Variants in USP13 observed in about 807,000 individuals in gnomAD.
The protein encoded by USP13 is ubiquitin carboxyl-terminal hydrolase 13.
A neutral mutation model predicts 107.8 loss-of-function variants in USP13; 68 were observed. That is an observed-to-expected ratio of 0.63 (90% CI 0.52 to 0.77). The LOEUF (loss-of-function observed/expected upper bound fraction) is 0.77, where lower values mean the gene tolerates loss of function less well. USP13 is among the 30% of genes least tolerant of loss of function. USP13 has a pLI of 0.00. For missense variants in USP13, 945 were observed against 1,093.3 expected, an observed-to-expected ratio of 0.86 and a Z score of 1.91; for synonymous variants, 377 against 389.5, an observed-to-expected ratio of 0.97 and a Z score of 0.38.
At chr3:179,783,357 AC>A (rs1356176519) in intron 20 of USP13, among the ~76,000 whole-genome samples, 1 of 152,150 alleles carries the variant, frequency 6.6e-6, no homozygotes. Flanking sequence ...AAATAAACAC[AC>A]GTATTTACAA....
chr3:179,683,449 G>GA (rs1430991540), intron 2 of USP13, among the ~76,000 whole-genome samples: 1 of 152,202 alleles, frequency 6.6e-6, no homozygotes, highest in African/African-American at 2.4e-5. Context: ...ATTTACAAAA[G>GA]AAAGAGGTTT....
rs113098896 is a variant in USP13 at position 179,722,065 on chromosome 3, CAA to C, written c.1088+492_1088+493del. ...TGGGTAACAGAGCGAGAATCTGTCT[CAA>C]AAAAAAAAAAAAAAAGAGCTTCGTA... On this transcript the variant is annotated intron_variant, in intron 8 of 20. Coordinates refer to ENST00000263966, the MANE Select transcript of USP13 (RefSeq NM_003940.3). 1.8e-3 allele frequency among the ~76,000 whole-genome samples: 236 copies of C among 127,660 alleles called. 5 individuals are homozygous for C. The East Asian group carries it at 0.023, about 13-fold the overall frequency. The allele number at this position is 127,660 out of a possible 152,430, so 83.7% of individuals were successfully genotyped here. A position where few individuals can be genotyped will look rare whatever the true frequency, so the allele number is the denominator to read the frequency against.
chr3:179,690,250 G>A lies in USP13; in HGVS notation c.304G>A (p.Gly102Arg). ...TTTGTTTTCTTTTCAGAAGGTAAGA[G>A]GGGCGTCTGGTGGAGCGTTACCAAA... The part of the protein sequence containing the change: ...LKRHVREKVR[G>R]ASGGALPKRR... The change falls in exon 3 of 21, where the codon GGG (glycine) becomes AGG (arginine). Residue 102 changes from glycine to arginine, a missense_variant. Coordinates refer to ENST00000263966, the MANE Select transcript of USP13 (RefSeq NM_003940.3). The A allele has an allele frequency of 6.2e-7, 1 of 1,613,792 alleles. No individual in the cohort carries two copies. The highest frequency in any genetic ancestry group is 8.5e-7 in the Non-Finnish European group (1 of 1,179,852).
rs977432017 is a variant in USP13, at chr3:179,706,834, T to C, written c.478-100T>C. On this transcript the variant is annotated intron_variant, in intron 4 of 20. Transcript: ENST00000263966. ...GCGACAACTACGCTGTTTGCGTTTC[T>C]TCAGTTTTTAAATTCATATTCTAGT... 4.4e-6 allele frequency: 6 copies of C among 1,370,724 alleles called. No homozygotes were observed. In the African/African-American group the frequency reaches 8.8e-5, roughly 20 times the overall value. The allele number at this position is 1,370,724 out of a possible 1,614,324, so 84.9% of individuals were successfully genotyped here.
At chr3:179,656,398 C>G (rs1411806705) in intron 1 of USP13, among the ~76,000 whole-genome samples, 1 of 152,206 alleles carries the variant, frequency 6.6e-6, no homozygotes, top group African/African-American at 2.4e-5. Context: ...CACAGTGTAC[C>G]TACCATGTCT....
At chr3:179,749,612 C>A (rs1033040362) in intron 13 of USP13, among the ~76,000 whole-genome samples, 1 of 151,988 alleles carries the variant, frequency 6.6e-6, no homozygotes, top group African/African-American at 2.4e-5. Context: ...AACTTGAGAC[C>A]CTATAGAGAT....
At chr3:179,668,573 T>TC (rs1720652799) in intron 1 of USP13, among the ~76,000 whole-genome samples, 1 of 152,172 alleles carries the variant, frequency 6.6e-6, no homozygotes, top group South Asian at 2.1e-4. Context: ...TATTTGTTTT[T>TC]TGAGACAAGG....
chr3:179,657,769 A>G (rs1720317038), intron 1 of USP13, among the ~76,000 whole-genome samples: 1 of 149,328 alleles, frequency 6.7e-6, no homozygotes, highest in Non-Finnish European at 1.5e-5. Context: ...TCTCAAAAAA[A>G]AAAAAAAAAA....
intron 6 of USP13, among the ~76,000 whole-genome samples, chr3:179,712,647 A>G (rs1424958696): frequency 6.6e-6 from 1 of 152,116 alleles, no homozygotes; most frequent in Admixed American, 6.5e-5. Context: ...GTAAGTGGTT[A>G]CAATTTTTTT....
At position 179,660,169 on chromosome 3, in the gene USP13, G is replaced by A. The variant is rs563542942; in HGVS notation, c.168+6776G>A. ...AATTCAGTGGCATTAAATTACATTC[G>A]CATTGTTGTGTAACTATCACTATGC... On this transcript the variant is annotated intron_variant, in intron 1 of 20. Transcript: ENST00000263966. 7.9e-5 allele frequency among the ~76,000 whole-genome samples: 12 copies of A among 152,180 alleles called. No homozygotes were observed. In the East Asian group the frequency reaches 9.6e-4, roughly 12 times the overall value.
intron 10 of USP13, among the ~76,000 whole-genome samples, chr3:179,737,964 C>T (rs935996500): frequency 6.6e-6 from 1 of 152,188 alleles, no homozygotes; most frequent in African/African-American, 2.4e-5. Flanking sequence ...CTGCATAGAA[C>T]ATGTGTGTTG....
Position 179,653,065 on chromosome 3 carries a change from G to A in USP13, c.-161G>A, listed in dbSNP as rs1445704215. 7 of 511,268 alleles carry A rather than the reference G, an allele frequency of 1.4e-5. No homozygotes were observed. The highest frequency in any genetic ancestry group is 7.9e-5 in the South Asian group (1 of 12,732). 31.7% of individuals were successfully genotyped at this position (511,268 alleles called of 1,614,324 possible). A position where few individuals can be genotyped will look rare whatever the true frequency, so the allele number is the denominator to read the frequency against. Reference sequence around the variant, plus strand: ...AGTCCGCCCCAAGCCCGCGGTGCCCGCTCCCGCCCCGCAGCCCGCTCTCCC... The same window carrying A: ...AGTCCGCCCCAAGCCCGCGGTGCCCACTCCCGCCCCGCAGCCCGCTCTCCC... On this transcript the variant is annotated 5_prime_UTR_variant, in exon 1 of 21. Transcript: ENST00000263966. The surrounding 1 kb of genome is among the most constrained non-coding windows in gnomAD (Gnocchi z 4.0).
In USP13 at chr3:179,786,779, A is replaced by G. The variant is rs773363293; in HGVS notation, c.*2638A>G. 12 of 152,254 alleles carry G rather than the reference A, an allele frequency of 7.9e-5. No homozygotes were observed. Among genetic ancestry groups the G allele is most frequent in the Non-Finnish European group, 1.5e-4 (10 of 68,042 alleles). The allele number at this position is 152,254 out of a possible 1,614,324, so 9.4% of individuals were successfully genotyped here. ...AACGTGTGGATTTTGTCAACTCATT[A>G]TCAGTCTGTTAGCAGTCCTCTATGT... On this transcript the variant is annotated 3_prime_UTR_variant, in exon 21 of 21. Coordinates refer to ENST00000263966, the MANE Select transcript of USP13 (RefSeq NM_003940.3).
At chr3:179,737,407 G>A (rs1307687324) in intron 10 of USP13, among the ~76,000 whole-genome samples, 1 of 152,192 alleles carries the variant, frequency 6.6e-6, no homozygotes, top group African/African-American at 2.4e-5. Flanking sequence ...AAGCACCTGA[G>A]ATTTTATAGC....
chr3:179,754,608 A>G, intron 14 of USP13, 124 bp from the exon 15 acceptor site: 1 of 1,266,754 alleles, frequency 7.9e-7, no homozygotes, highest in Non-Finnish European at 1.0e-6. Flanking sequence ...CGAGCAACAT[A>G]TTCTAGGGAA....
At chr3:179,654,129 G>T (rs1720178666) in intron 1 of USP13, among the ~76,000 whole-genome samples, 1 of 148,620 alleles carries the variant, frequency 6.7e-6, no homozygotes, top group African/African-American at 2.5e-5. Flanking sequence ...CTTGAGAATC[G>T]CTTGAACCGG....
chr3:179,735,446 A>T (rs576278944), intron 10 of USP13, among the ~76,000 whole-genome samples: 1 of 151,960 alleles, frequency 6.6e-6, no homozygotes, highest in South Asian at 2.1e-4. Context: ...AAAATTATTT[A>T]AATTTGCATA....
intron 1 of USP13, among the ~76,000 whole-genome samples, chr3:179,670,094 G>T (rs721384): frequency 0.76 from 115,183 of 152,060 alleles, 44,024 homozygotes; most frequent in East Asian, 0.85. Flanking sequence ...TTTCTGGAGT[G>T]GGGACCTTTG....
rs1386956097 is a variant in USP13, at chr3:179,786,972, A to C, written c.*2831A>C. The stretch of plus-strand genomic sequence containing the variant: ...AGTTTTTATTTTGCCAATTGATCTA[A>C]ATGCCCATATAACTAATCAGAAATC... On this transcript the variant is annotated 3_prime_UTR_variant, in exon 21 of 21. Transcript: ENST00000263966. 6.6e-6 allele frequency: 1 copy of C among 152,212 alleles called. No homozygotes were observed. Among genetic ancestry groups the C allele is most frequent in the Non-Finnish European group, 1.5e-5 (1 of 68,036 alleles). 9.4% of individuals were successfully genotyped at this position (152,212 alleles called of 1,614,324 possible).
Sources: allele counts gnomAD v4.1 joint callset (sites outside exome capture counted in the v4.1 genomes callset), GRCh38; gene constraint gnomAD v4.1.1; non-coding constraint Gnocchi (gnomAD v3.1); transcripts MANE v1.5; gene names NCBI Gene and HGNC (gene_info 2026-07-23, HGNC 2026-07-21).